Variants in MCU observed in about 807,000 individuals in gnomAD.
The protein encoded by MCU is mitochondrial calcium uniporter.
Under a neutral mutation model 45.2 loss-of-function variants are expected in MCU, and 12 were observed. The ratio of observed to expected loss-of-function variants is 0.27; its 90% CI spans 0.17 to 0.43. MCU has a LOEUF of 0.43. MCU is among the 20% of genes least tolerant of loss of function. The probability of loss-of-function intolerance (pLI) is 1.00; values close to 1 mark genes in which losing one functional copy is unlikely to be tolerated. For synonymous variants in MCU, 160 were observed against 165.1 expected (o/e 0.97, Z 0.24); for missense variants, 324 against 436.7 (o/e 0.74, Z 2.30).
At position 72,759,553 on chromosome 10, in the gene MCU, T is replaced by C. The variant is rs758489643; in HGVS notation, c.150+67252T>C. ...GGGGTGGTCTCCTCCCTTAATCTTATAAACTTAGCATGAAGTTTAAATTAA... is the reference window on the plus strand; with the variant it reads ...GGGGTGGTCTCCTCCCTTAATCTTACAAACTTAGCATGAAGTTTAAATTAA... On this transcript the variant is annotated intron_variant, in intron 1 of 7. Transcript: ENST00000373053. 5.3e-5 allele frequency among the ~76,000 whole-genome samples: 8 copies of C among 152,314 alleles called. 1 individual carries two copies. The South Asian group carries it at 1.0e-3, about 20-fold the overall frequency.
At chr10:72,714,607 T>C (rs2132664976) in intron 1 of MCU, among the ~76,000 whole-genome samples, 1 of 152,198 alleles carries the variant, frequency 6.6e-6, no homozygotes, top group South Asian at 2.1e-4. Context: ...TGCAATGGCA[T>C]GATCTCAGCT....
At chr10:72,803,267 T>G (rs1457246332) in intron 1 of MCU, among the ~76,000 whole-genome samples, 2 of 151,916 alleles carry the variant, frequency 1.3e-5, no homozygotes, top group African/African-American at 4.8e-5. Flanking sequence ...ACAATTCTCC[T>G]TGAATTTTTC....
At chr10:72,814,738 G>A (rs559347136) in intron 1 of MCU, among the ~76,000 whole-genome samples, 1 of 152,278 alleles carries the variant, frequency 6.6e-6, no homozygotes, top group Admixed American at 6.5e-5. Flanking sequence ...TCTCTAAAAG[G>A]AAGGGTTATA....
intron 1 of MCU, among the ~76,000 whole-genome samples, chr10:72,729,310 C>G (rs1843140084): frequency 6.6e-6 from 1 of 151,104 alleles, no homozygotes; most frequent in South Asian, 2.1e-4. Flanking sequence ...ACTAAAAATA[C>G]AAAAAAAAAT....
At chr10:72,779,492 AC>A (rs1843955600) in intron 1 of MCU, among the ~76,000 whole-genome samples, 1 of 152,242 alleles carries the variant, frequency 6.6e-6, no homozygotes, top group Non-Finnish European at 1.5e-5. Context: ...AAGTAAAAAA[AC>A]AACCCACTAA....
chr10:72,810,461 CTTTTTTTTTTT>C (rs751918414), intron 1 of MCU, among the ~76,000 whole-genome samples: 8 of 73,440 alleles, frequency 1.1e-4, no homozygotes, highest in East Asian at 9.2e-4. Context: ...ATTATGTTGC[CTTTTTTTTTTT>C]TTTTTTTTTT....
intron 4 of MCU, among the ~76,000 whole-genome samples, chr10:72,866,422 G>GT (rs1312340544): frequency 2.0e-5 from 3 of 152,104 alleles, no homozygotes; most frequent in East Asian, 3.9e-4. Context: ...TTTTTTGTTT[G>GT]TTTTTTGTTT....
chr10:72,805,834 A>G (rs1844440277), intron 1 of MCU, among the ~76,000 whole-genome samples: 1 of 152,242 alleles, frequency 6.6e-6, no homozygotes, highest in Admixed American at 6.5e-5. Context: ...GATTAAATAT[A>G]GAATTTTAAT....
chr10:72,856,760 C>T (rs1436991784), intron 2 of MCU, among the ~76,000 whole-genome samples: 1 of 142,782 alleles, frequency 7.0e-6, no homozygotes, highest in Non-Finnish European at 1.5e-5. Flanking sequence ...GTGGTGAAAC[C>T]CTGTCTCTAA....
chr10:72,724,366 T>C (rs921633526), intron 1 of MCU, among the ~76,000 whole-genome samples: 2 of 152,252 alleles, frequency 1.3e-5, no homozygotes, highest in African/African-American at 2.4e-5. Context: ...TTAAAAGTAC[T>C]GTCTTTCCCT....
intron 1 of MCU, among the ~76,000 whole-genome samples, chr10:72,748,596 C>G (rs528365344): frequency 1.3e-5 from 2 of 152,168 alleles, no homozygotes; most frequent in African/African-American, 4.8e-5. Flanking sequence ...AGGGGAGAAT[C>G]ATTTGAACCC....
At chr10:72,817,256 C>T (rs1408794003) in intron 1 of MCU, among the ~76,000 whole-genome samples, 1 of 152,120 alleles carries the variant, frequency 6.6e-6, no homozygotes, top group Non-Finnish European at 1.5e-5. Context: ...GTTTTTTACC[C>T]TTCTACCTGG....
At chr10:72,728,105 A>G (rs1027164185) in intron 1 of MCU, among the ~76,000 whole-genome samples, 2 of 152,070 alleles carry the variant, frequency 1.3e-5, no homozygotes, top group Admixed American at 6.6e-5. Context: ...CACTGCTAGG[A>G]CCTCTGCTAT....
intron 4 of MCU, among the ~76,000 whole-genome samples, chr10:72,866,597 A>C (rs368325335): frequency 1.3e-5 from 2 of 151,958 alleles, no homozygotes; most frequent in African/African-American, 2.4e-5. Context: ...GGGTTTCATC[A>C]TGTTGGCCGA....
chr10:72,814,073 A>G (rs777275773), intron 1 of MCU, among the ~76,000 whole-genome samples: 1 of 152,202 alleles, frequency 6.6e-6, no homozygotes, highest in Non-Finnish European at 1.5e-5. Context: ...TCCAAGTGGC[A>G]GGGGATGGAA....
intron 1 of MCU, among the ~76,000 whole-genome samples, chr10:72,777,717 GCTT>G (rs1843917103): frequency 6.6e-6 from 1 of 152,286 alleles, no homozygotes; most frequent in African/African-American, 2.4e-5. Flanking sequence ...AAGTTAAAAA[GCTT>G]CTGCACAGCA....
chr10:72,761,199 G>A (rs1843651995), intron 1 of MCU, among the ~76,000 whole-genome samples: 1 of 152,182 alleles, frequency 6.6e-6, no homozygotes, highest in South Asian at 2.1e-4. Flanking sequence ...ATGTTTTGCA[G>A]TCCATTTTTA....
chr10:72,880,221 T>C (rs1845679571), intron 6 of MCU, among the ~76,000 whole-genome samples: 4 of 152,158 alleles, frequency 2.6e-5, no homozygotes, highest in Non-Finnish European at 5.9e-5. Context: ...AAGAACAGAA[T>C]ATGAAAGATA....
chr10:72,887,161 G>A lies in MCU; in HGVS notation c.*1339G>A, dbSNP rs942203022. 1.3e-5 allele frequency: 2 copies of A among 152,524 alleles called. No homozygotes were observed. The highest frequency in any genetic ancestry group is 2.1e-4 in the South Asian group (1 of 4,822). The allele number at this position is 152,524 out of a possible 1,614,324, so 9.4% of individuals were successfully genotyped here. On this transcript the variant is annotated 3_prime_UTR_variant, in exon 8 of 8. Transcript: ENST00000373053. Reference sequence around the variant, plus strand: ...ACCACTGATTGGCCTTTTCTTTCACGTGATTCATCCTTCCTCATTGTGGCA... The same window carrying A: ...ACCACTGATTGGCCTTTTCTTTCACATGATTCATCCTTCCTCATTGTGGCA...
Sources: gnomAD v4.1 joint callset for allele counts (sites outside exome capture counted in the v4.1 genomes callset) on GRCh38, gnomAD v4.1.1 for gene constraint, MANE v1.5 for transcripts, NCBI Gene and HGNC (gene_info 2026-07-23, HGNC 2026-07-21) for gene names.